The following STPG2 variants were observed in gnomAD, a reference collection of about 807,000 sequenced individuals.
STPG2 encodes sperm tail PG-rich repeat containing 2.
A neutral mutation model predicts 54.2 loss-of-function variants in STPG2; 56 were observed. The observed-to-expected ratio is 1.03, with a 90% confidence interval of 0.83 to 1.29. The LOEUF (loss-of-function observed/expected upper bound fraction) is 1.29, where lower values mean the gene tolerates loss of function less well. Ranked by LOEUF, STPG2 falls within the 50% of genes most tolerant of loss-of-function variation. The probability of loss-of-function intolerance (pLI) is 0.00; values close to 1 mark genes in which losing one functional copy is unlikely to be tolerated. For synonymous variants in STPG2, 200 were observed against 181.8 expected (o/e 1.10, Z -0.81); for missense variants, 596 against 544.9 (o/e 1.09, Z -0.93).
Position 97,683,934 on chromosome 4 carries a change from CA to C in STPG2, c.1320+28764del, listed in dbSNP as rs536406967. ...AGAGTTGCAGGATACAAAACATACA[CA>C]AAAGTCAGTTGCTTTCCTATATAAC... On this transcript the variant is annotated intron_variant, in intron 10 of 10. Transcript: ENST00000295268. 4.9e-3 allele frequency among the ~76,000 whole-genome samples: 750 copies of C among 151,858 alleles called. 3 individuals carry two copies. Among genetic ancestry groups the C allele is most frequent in the Middle Eastern group, 0.02 (6 of 294 alleles).
chr4:98,042,878 G>C (rs1441369828), intron 5 of STPG2, among the ~76,000 whole-genome samples: 1 of 151,988 alleles, frequency 6.6e-6, no homozygotes, highest in Non-Finnish European at 1.5e-5. Flanking sequence ...GATCTGTCTA[G>C]TGTTGTCAGT....
intron 10 of STPG2, among the ~76,000 whole-genome samples, chr4:97,574,746 T>C (rs1732682339): frequency 6.6e-6 from 1 of 152,100 alleles, no homozygotes; most frequent in African/African-American, 2.4e-5. Flanking sequence ...CCTTTCTGCT[T>C]CTGTGGATTT....
chr4:97,823,660 C>T (rs1728159350), intron 9 of STPG2, among the ~76,000 whole-genome samples: 1 of 152,086 alleles, frequency 6.6e-6, no homozygotes, highest in South Asian at 2.1e-4. Context: ...ATTTGGACCC[C>T]TTTCTGGTAA....
intron 10 of STPG2, among the ~76,000 whole-genome samples, chr4:97,574,457 G>T (rs1732672484): frequency 6.6e-6 from 1 of 151,802 alleles, no homozygotes; most frequent in South Asian, 2.1e-4. Flanking sequence ...AAAAAAGTAT[G>T]ATTGGCAGAC....
chr4:97,767,969 C>G (rs1393889941), intron 9 of STPG2, among the ~76,000 whole-genome samples: 1 of 152,130 alleles, frequency 6.6e-6, no homozygotes, highest in Non-Finnish European at 1.5e-5. Context: ...AGATTGAGGT[C>G]ATCCTGGCCA....
intron 9 of STPG2, among the ~76,000 whole-genome samples, chr4:97,741,039 A>G (rs574904372): frequency 1.3e-5 from 2 of 152,292 alleles, no homozygotes; most frequent in South Asian, 4.1e-4. Context: ...AACAGAACAG[A>G]GCCCTCAGAA....
chr4:98,089,227 C>G (rs1377786736), intron 5 of STPG2, among the ~76,000 whole-genome samples: 1 of 152,022 alleles, frequency 6.6e-6, no homozygotes, highest in Non-Finnish European at 1.5e-5. Flanking sequence ...CTCTGAGTCC[C>G]CAAAGTCCAT....
chr4:97,972,235 T>A, intron 7 of STPG2, 45 bp downstream of exon 7: 1 of 1,303,428 alleles, frequency 7.7e-7, no homozygotes, highest in Non-Finnish European at 1.0e-6. Flanking sequence ...CCCTAAGAGC[T>A]TGATATTCAA....
chr4:97,524,972 A>T (rs1731253389), intron 4 of STPG2, among the ~76,000 whole-genome samples: 1 of 151,974 alleles, frequency 6.6e-6, no homozygotes, highest in Non-Finnish European at 1.5e-5. Context: ...CATTATTTAA[A>T]GATTCAACAT....
chr4:97,850,296 A>G (rs1729110831), intron 8 of STPG2, among the ~76,000 whole-genome samples: 2 of 126,006 alleles, frequency 1.6e-5, no homozygotes, highest in South Asian at 5.4e-4. Flanking sequence ...GGGGAGGGAA[A>G]GAAAAATAAA....
chr4:97,675,536 C>T (rs1722811800), intron 10 of STPG2, among the ~76,000 whole-genome samples: 1 of 152,118 alleles, frequency 6.6e-6, no homozygotes, highest in South Asian at 2.1e-4. Flanking sequence ...CAACATATTC[C>T]AAATTTGAAT....
intron 4 of STPG2, among the ~76,000 whole-genome samples, chr4:97,493,477 G>A (rs957315767): frequency 1.3e-5 from 2 of 151,286 alleles, no homozygotes; most frequent in Admixed American, 1.3e-4. Context: ...GAATATTAGT[G>A]GAGTTTTAAG....
chr4:97,914,409 AT>A lies in STPG2; in HGVS notation c.1044+29487del, dbSNP rs1036009854. ...AAATAAAATACTAGGTCATGAAAAGATTTTTTTTAACTTTTTTTATTGTTGT... is the reference window on the plus strand; with the variant it reads ...AAATAAAATACTAGGTCATGAAAAGATTTTTTTAACTTTTTTTATTGTTGT... On this transcript the variant is annotated intron_variant, in intron 8 of 10. Transcript: ENST00000295268. Among the ~76,000 whole-genome samples the A allele has an allele frequency of 5.9e-5, 9 of 152,108 alleles. No homozygotes were observed. The South Asian group carries it at 8.3e-4, about 14-fold the overall frequency.
At chr4:97,534,525 GAA>G (rs1731486441) in intron 4 of STPG2, among the ~76,000 whole-genome samples, 1 of 151,944 alleles carries the variant, frequency 6.6e-6, no homozygotes, top group Non-Finnish European at 1.5e-5. Context: ...AACATTTTTT[GAA>G]AAGACTTTTT....
chr4:97,908,730 T>C (rs992991167), intron 8 of STPG2, among the ~76,000 whole-genome samples: 176 of 151,328 alleles, frequency 1.2e-3, no homozygotes, highest in Non-Finnish European at 2.0e-3. Flanking sequence ...ATGGATGAAA[T>C]TGGAAATCAT....
At chr4:97,720,278 A>G (rs1457520127) in intron 9 of STPG2, among the ~76,000 whole-genome samples, 2 of 152,010 alleles carry the variant, frequency 1.3e-5, no homozygotes, top group Non-Finnish European at 2.9e-5. Flanking sequence ...AGCTCAGAGA[A>G]GTTAAACAAC....
chr4:97,537,621 G>C (rs111812492), intron 4 of STPG2, among the ~76,000 whole-genome samples: 2 of 152,194 alleles, frequency 1.3e-5, no homozygotes, highest in African/African-American at 4.8e-5. Flanking sequence ...TCTGGGGGCA[G>C]GGCATAGCTG....
At chr4:98,080,218 G>T (rs2110115334) in intron 5 of STPG2, among the ~76,000 whole-genome samples, 1 of 151,886 alleles carries the variant, frequency 6.6e-6, no homozygotes, top group East Asian at 1.9e-4. Context: ...TAAGTTTAAA[G>T]TTCTTATAGT....
At chr4:97,903,268 G>A (rs1037198715) in intron 8 of STPG2, among the ~76,000 whole-genome samples, 1 of 152,062 alleles carries the variant, frequency 6.6e-6, no homozygotes, top group African/African-American at 2.4e-5. Flanking sequence ...ATGATAATAT[G>A]ATTAGTTGTG....
Sources: gnomAD v4.1 joint callset for allele counts (sites outside exome capture counted in the v4.1 genomes callset) on GRCh38, gnomAD v4.1.1 for gene constraint, MANE v1.5 for transcripts, NCBI Gene and HGNC (gene_info 2026-07-23, HGNC 2026-07-21) for gene names.